Variants in LRP1B observed in about 807,000 individuals in gnomAD.
LRP1B encodes LDL receptor related protein 1B.
LRP1B carries 217 observed loss-of-function variants against 556.6 expected under a neutral mutation model. That is an observed-to-expected ratio of 0.39 (90% CI 0.35 to 0.44). The LOEUF is 0.44. Among genes scored for constraint, LRP1B ranks in the 20% least tolerant of loss-of-function variants. The pLI is 1.00. For synonymous variants in LRP1B, 2,047 were observed against 1,865.8 expected (o/e 1.10, Z -2.50); for missense variants, 5,053 against 5,620.8 (o/e 0.90, Z 3.23).
chr2:141,746,592 T>C (rs952896580), intron 2 of LRP1B, among the ~76,000 whole-genome samples: 3 of 151,906 alleles, frequency 2.0e-5, no homozygotes, highest in Non-Finnish European at 4.4e-5. Context: ...TTCAGACACA[T>C]GAAGTTAAAA....
intron 6 of LRP1B, among the ~76,000 whole-genome samples, chr2:141,228,366 A>G (rs1345391366): frequency 6.6e-6 from 1 of 152,110 alleles, no homozygotes; most frequent in Non-Finnish European, 1.5e-5. Flanking sequence ...AGGGAGAGAG[A>G]AGGAGAGAGA....
At chr2:140,265,059 T>C (rs1257374628) in intron 86 of LRP1B, among the ~76,000 whole-genome samples, 2 of 151,930 alleles carry the variant, frequency 1.3e-5, no homozygotes, top group African/African-American at 2.4e-5. Flanking sequence ...TGAAATCTAT[T>C]GTGGATATTG....
intron 7 of LRP1B, among the ~76,000 whole-genome samples, chr2:141,067,505 G>A (rs772525521): frequency 4.0e-5 from 6 of 151,816 alleles, no homozygotes; most frequent in Non-Finnish European, 8.8e-5. Flanking sequence ...TCCCACTGTC[G>A]GCTGGCTATT....
At chr2:140,759,714 A>G (rs1688852585) in intron 35 of LRP1B, among the ~76,000 whole-genome samples, 1 of 152,212 alleles carries the variant, frequency 6.6e-6, no homozygotes. Context: ...GCAATACTGG[A>G]ACTCAGTCTA....
At chr2:142,038,321 T>C (rs1020998963) in intron 1 of LRP1B, among the ~76,000 whole-genome samples, 5 of 151,576 alleles carry the variant, frequency 3.3e-5, no homozygotes, top group African/African-American at 1.2e-4. Context: ...TTTTAAATAA[T>C]TCTGTATGAA....
intron 32 of LRP1B, among the ~76,000 whole-genome samples, chr2:140,807,919 C>A (rs1024152563): frequency 6.6e-6 from 1 of 151,946 alleles, no homozygotes; most frequent in African/African-American, 2.4e-5. Context: ...TGGTGAAACC[C>A]CGTCTCTACT....
At chr2:141,892,728 G>T (rs887898650) in intron 1 of LRP1B, among the ~76,000 whole-genome samples, 5 of 152,084 alleles carry the variant, frequency 3.3e-5, no homozygotes, top group Admixed American at 2.6e-4. Flanking sequence ...GTAGATTACA[G>T]AGGTCAAAAT....
chr2:141,711,820 T>G (rs1418317368), intron 2 of LRP1B, among the ~76,000 whole-genome samples: 2 of 152,086 alleles, frequency 1.3e-5, no homozygotes, highest in East Asian at 3.9e-4. Context: ...ACACACTCCA[T>G]CCACAGACAC....
At chr2:141,731,641 A>G (rs1014564907) in intron 2 of LRP1B, among the ~76,000 whole-genome samples, 4 of 152,104 alleles carry the variant, frequency 2.6e-5, no homozygotes, top group Non-Finnish European at 5.9e-5. Context: ...CCTTTCCAGC[A>G]TTACATTCTG....
At chr2:141,220,622 GAAAAAAA>G (rs553644230) in intron 6 of LRP1B, among the ~76,000 whole-genome samples, 1 of 118,178 alleles carries the variant, frequency 8.5e-6, no homozygotes, top group Non-Finnish European at 1.8e-5. Flanking sequence ...TCCAAGGTTG[GAAAAAAA>G]AAAAAAAAGA....
chr2:140,345,987 G>C (rs1226262775), intron 77 of LRP1B, among the ~76,000 whole-genome samples: 1 of 149,602 alleles, frequency 6.7e-6, no homozygotes, highest in Non-Finnish European at 1.5e-5. Flanking sequence ...TTCTTTCTTA[G>C]ATTATTTAAT....
rs145837288 is a variant in LRP1B, at chr2:141,367,423, G to A, written c.344-112782C>T. Reference sequence around the variant, plus strand: ...TCCTACTTTAAATGGATAACAAAGCGTTCTAATTTTTGAAACGTATTTTGG... The same window carrying A: ...TCCTACTTTAAATGGATAACAAAGCATTCTAATTTTTGAAACGTATTTTGG... On this transcript the variant is annotated intron_variant, in intron 3 of 90. Coordinates refer to ENST00000389484, the MANE Select transcript of LRP1B (RefSeq NM_018557.3). Among the ~76,000 whole-genome samples, 663 of 138,780 alleles carry A rather than the reference G, an allele frequency of 4.8e-3. 5 individuals carry two copies. Among genetic ancestry groups the A allele is most frequent in the Non-Finnish European group, 8.1e-3 (526 of 64,656 alleles). The allele number at this position is 138,780 out of a possible 152,430, so 91.0% of individuals were successfully genotyped here.
At chr2:141,051,865 GC>G (rs1357260976) in intron 10 of LRP1B, among the ~76,000 whole-genome samples, 1 of 151,806 alleles carries the variant, frequency 6.6e-6, no homozygotes, top group Non-Finnish European at 1.5e-5. Flanking sequence ...TTGCTGTATA[GC>G]ATTCCTTTGT....
chr2:142,078,300 T>C (rs1245991249), intron 1 of LRP1B, among the ~76,000 whole-genome samples: 1 of 152,186 alleles, frequency 6.6e-6, no homozygotes, highest in East Asian at 1.9e-4. Flanking sequence ...GCTTATGCTA[T>C]ACTTCTTACC....
At chr2:140,289,143 C>G (rs985246260) in intron 84 of LRP1B, among the ~76,000 whole-genome samples, 1 of 151,798 alleles carries the variant, frequency 6.6e-6, no homozygotes, top group Admixed American at 6.6e-5. Context: ...GGGCAAGTTC[C>G]GTGGTGTACA....
At chr2:140,507,665 C>T (rs1010706963) in intron 52 of LRP1B, among the ~76,000 whole-genome samples, 9 of 152,166 alleles carry the variant, frequency 5.9e-5, no homozygotes, top group African/African-American at 1.9e-4. Context: ...ATACCATACG[C>T]ATAGAATCAT....
intron 3 of LRP1B, among the ~76,000 whole-genome samples, chr2:141,294,155 A>T (rs1284251448): frequency 6.6e-6 from 1 of 152,126 alleles, no homozygotes; most frequent in Non-Finnish European, 1.5e-5. Context: ...GGTGACAAAA[A>T]TATCTTTTTA....
At chr2:140,637,160 G>A (rs1257222068) in intron 41 of LRP1B, among the ~76,000 whole-genome samples, 1 of 152,150 alleles carries the variant, frequency 6.6e-6, no homozygotes, top group Non-Finnish European at 1.5e-5. Flanking sequence ...CTTAGGGGCA[G>A]AATTTCAGGA....
intron 3 of LRP1B, among the ~76,000 whole-genome samples, chr2:141,448,686 G>A (rs1485871863): frequency 6.6e-6 from 1 of 152,106 alleles, no homozygotes; most frequent in Middle Eastern, 3.2e-3. Context: ...CAGGTGAAGC[G>A]ACACCCCACC....
Sources: allele counts gnomAD v4.1 joint callset (sites outside exome capture counted in the v4.1 genomes callset), GRCh38; gene constraint gnomAD v4.1.1; transcripts MANE v1.5; gene names NCBI Gene and HGNC (gene_info 2026-07-23, HGNC 2026-07-21).